Variants in EBF1 observed in about 807,000 individuals in gnomAD.
The protein encoded by EBF1 is transcription factor COE1.
In EBF1, 10 loss-of-function variants were observed where a neutral mutation model predicts 68.4. The observed-to-expected ratio is 0.15, with a 90% CI of 0.09 to 0.25. The LOEUF is 0.25. Ranked by LOEUF, EBF1 falls within the 10% of genes least tolerant of loss-of-function variation. The pLI is 1.00. For missense variants in EBF1, 509 were observed against 794.4 expected (o/e 0.64, Z 4.32); for synonymous variants, 298 against 299.8 (o/e 0.99, Z 0.06).
intron 11 of EBF1, among the ~76,000 whole-genome samples, chr5:158,718,218 A>C (rs1761168908): frequency 6.6e-6 from 1 of 152,158 alleles, no homozygotes; most frequent in East Asian, 1.9e-4. Context: ...AGGGCACATT[A>C]TCTTCCCAGC....
chr5:158,892,485 C>T (rs929958541), intron 6 of EBF1, among the ~76,000 whole-genome samples: 1 of 152,016 alleles, frequency 6.6e-6, no homozygotes, highest in Admixed American at 6.6e-5. Context: ...CAAAAAAAAC[C>T]AAAGATCTCA....
chr5:158,779,178 T>C (rs746627256), intron 9 of EBF1, among the ~76,000 whole-genome samples: 33 of 152,190 alleles, frequency 2.2e-4, no homozygotes, highest in Non-Finnish European at 4.1e-4. Context: ...ACCACATTGC[T>C]GGATATTTTA....
chr5:158,731,947 T>C (rs998977764), intron 10 of EBF1, among the ~76,000 whole-genome samples: 1 of 152,198 alleles, frequency 6.6e-6, no homozygotes, highest in African/African-American at 2.4e-5. Context: ...CATCCTTAAA[T>C]TAAACACAAT....
chr5:158,844,188 CTT>C (rs10640628), intron 6 of EBF1, among the ~76,000 whole-genome samples: 21 of 126,324 alleles, frequency 1.7e-4, no homozygotes, highest in Admixed American at 1.6e-4. Flanking sequence ...TAACTCAAGC[CTT>C]TTTTTTTTTT....
intron 6 of EBF1, among the ~76,000 whole-genome samples, chr5:159,005,381 G>A (rs1171504662): frequency 6.6e-6 from 1 of 152,096 alleles, no homozygotes; most frequent in East Asian, 1.9e-4. Context: ...TGAGTTGTGG[G>A]CCAATGAGAA....
intron 15 of EBF1, among the ~76,000 whole-genome samples, chr5:158,703,910 T>G (rs1757295794): frequency 6.6e-6 from 1 of 152,216 alleles, no homozygotes; most frequent in Admixed American, 6.5e-5. Flanking sequence ...CCCAGACAGA[T>G]CTTCCTTATT....
At chr5:158,944,824 G>A (rs1165891422) in intron 6 of EBF1, among the ~76,000 whole-genome samples, 1 of 152,216 alleles carries the variant, frequency 6.6e-6, no homozygotes, top group Non-Finnish European at 1.5e-5. Flanking sequence ...GACCAGCGAT[G>A]ATGAGCTTTT....
At chr5:158,872,101 G>T (rs1796972603) in intron 6 of EBF1, among the ~76,000 whole-genome samples, 1 of 152,130 alleles carries the variant, frequency 6.6e-6, no homozygotes, top group Admixed American at 6.5e-5. Flanking sequence ...AGTCAGGAGA[G>T]ATGCAGTCAT....
intron 8 of EBF1, among the ~76,000 whole-genome samples, chr5:158,810,611 G>C (rs1258467681): frequency 5.9e-5 from 9 of 152,138 alleles, no homozygotes; most frequent in Non-Finnish European, 8.8e-5. Context: ...ATGTGGGTTT[G>C]AACAACTGGT....
chr5:158,820,282 G>C (rs1784578372), intron 8 of EBF1, among the ~76,000 whole-genome samples: 1 of 152,058 alleles, frequency 6.6e-6, no homozygotes, highest in Non-Finnish European at 1.5e-5. Flanking sequence ...GGTGGGAGCG[G>C]AGACACAGAG....
In EBF1 at chr5:159,003,777, G is replaced by A. The variant is rs569438048; in HGVS notation, c.554+69619C>T. On this transcript the variant is annotated intron_variant, in intron 6 of 15. Coordinates refer to ENST00000313708, the MANE Select transcript of EBF1 (RefSeq NM_024007.5). The stretch of plus-strand genomic sequence containing the variant: ...TCAATCCACACTTCAGCTCTAGTAG[G>A]TGTGATCTATCACTGCTCCCGTTCT... Among the ~76,000 whole-genome samples, 27 of 152,318 alleles carry A rather than the reference G, an allele frequency of 1.8e-4. 1 individual carries two copies. In the South Asian group the frequency reaches 5.4e-3, roughly 30 times the overall value.
chr5:158,982,039 C>G (rs1270225137), intron 6 of EBF1, among the ~76,000 whole-genome samples: 1 of 152,092 alleles, frequency 6.6e-6, no homozygotes, highest in African/African-American at 2.4e-5. Context: ...TGTGTTCCCA[C>G]TATGTGCTTA....
chr5:159,019,898 C>T (rs1459487314), intron 6 of EBF1, among the ~76,000 whole-genome samples: 2 of 151,930 alleles, frequency 1.3e-5, no homozygotes, highest in South Asian at 2.1e-4. Context: ...TTGCTGCCAC[C>T]CTAATAATTC....
chr5:158,864,048 A>G, intron 6 of EBF1, among the ~76,000 whole-genome samples: 1 of 151,990 alleles, frequency 6.6e-6, no homozygotes, highest in East Asian at 1.9e-4. Context: ...CCTGGCCAAC[A>G]TGGCGGAAGC....
intron 6 of EBF1, among the ~76,000 whole-genome samples, chr5:159,071,302 G>A (rs1173789479): frequency 6.6e-6 from 1 of 152,166 alleles, no homozygotes; most frequent in African/African-American, 2.4e-5. Flanking sequence ...TGTTTTTAAA[G>A]TACTCCTATC....
chr5:158,907,039 G>A (rs898518117), intron 6 of EBF1, among the ~76,000 whole-genome samples: 5 of 152,176 alleles, frequency 3.3e-5, no homozygotes, highest in Non-Finnish European at 5.9e-5. Flanking sequence ...TAGGACTGGG[G>A]GACATCCTGG....
At chr5:158,826,534 T>C (rs10061900) in intron 7 of EBF1, among the ~76,000 whole-genome samples, 89,228 of 152,064 alleles carry the variant, frequency 0.59, 26,362 homozygotes, top group South Asian at 0.7. Context: ...CTTGAAGATG[T>C]CCAAGTTATA....
rs566953213 is a variant in EBF1, at chr5:158,858,457, G to A, written c.555-18347C>T. 3.9e-5 allele frequency among the ~76,000 whole-genome samples: 6 copies of A among 152,246 alleles called. No individual in the cohort carries two copies. In the East Asian group the frequency reaches 9.6e-4, roughly 24 times the overall value. Reference sequence around the variant, plus strand: ...CATCATTAGATAACAAATCTGGAAGGCACTGGCTTGCTCTGAAGACTGCAT... The same window carrying A: ...CATCATTAGATAACAAATCTGGAAGACACTGGCTTGCTCTGAAGACTGCAT... On this transcript the variant is annotated intron_variant, in intron 6 of 15. Transcript: ENST00000313708.
chr5:158,893,163 ATTGTT>A (rs1206603305), intron 6 of EBF1, among the ~76,000 whole-genome samples: 1 of 152,202 alleles, frequency 6.6e-6, no homozygotes, highest in Non-Finnish European at 1.5e-5. Context: ...TCATTGTTAC[ATTGTT>A]TTAAGAGAAA....
Sources: gnomAD v4.1 joint callset for allele counts (sites outside exome capture counted in the v4.1 genomes callset) on GRCh38, gnomAD v4.1.1 for gene constraint, MANE v1.5 for transcripts, NCBI Gene and HGNC (gene_info 2026-07-23, HGNC 2026-07-21) for gene names.